The following MAPK10 variants were observed in gnomAD, a reference collection of about 807,000 sequenced individuals.
The protein encoded by MAPK10 is mitogen-activated protein kinase 10.
A neutral mutation model predicts 59.3 loss-of-function variants in MAPK10; 25 were observed. The ratio of observed to expected loss-of-function variants is 0.42; its 90% CI spans 0.31 to 0.59. The LOEUF is 0.59. MAPK10 is among the 20% of genes least tolerant of loss of function. The pLI is 0.15. For missense variants in MAPK10, 351 were observed against 568.9 expected (o/e 0.62, Z 3.90); for synonymous variants, 190 against 200.5 (o/e 0.95, Z 0.44).
intron 2 of MAPK10, among the ~76,000 whole-genome samples, chr4:86,305,790 G>A (rs1022335704): frequency 6.7e-6 from 1 of 148,314 alleles, no homozygotes; most frequent in African/African-American, 2.5e-5. Context: ...CTACACTACA[G>A]CCTGGGCGAC....
In MAPK10 at chr4:86,010,563, T is replaced by G. The variant is rs972083167; in HGVS notation, c.*6665A>C. On this transcript the variant is annotated 3_prime_UTR_variant, in exon 14 of 14. Transcript: ENST00000641462. Reference sequence around the variant, plus strand: ...ATTAAGCTAGAAATTCAGAGCAATATTCTCAGGGCTTGATTTACACCAAAT... The same window carrying G: ...ATTAAGCTAGAAATTCAGAGCAATAGTCTCAGGGCTTGATTTACACCAAAT... 8.5e-5 allele frequency: 13 copies of G among 152,196 alleles called. No homozygotes were observed. The highest frequency in any genetic ancestry group is 2.9e-4 in the African/African-American group (12 of 41,460). 9.4% of individuals were successfully genotyped at this position (152,196 alleles called of 1,614,324 possible). A position where few individuals can be genotyped will look rare whatever the true frequency, so the allele number is the denominator to read the frequency against.
intron 4 of MAPK10, among the ~76,000 whole-genome samples, chr4:86,143,279 T>C (rs2064053010): frequency 6.6e-6 from 1 of 152,154 alleles, no homozygotes. Flanking sequence ...GTGGGGATTA[T>C]GGGGATTATA....
At chr4:86,547,851 C>T (rs1043714227) in intron 1 of MAPK10, among the ~76,000 whole-genome samples, 4 of 152,114 alleles carry the variant, frequency 2.6e-5, no homozygotes, top group East Asian at 1.9e-4. Context: ...ATGCACCAAT[C>T]GACACTCTGT....
chr4:86,158,767 G>T (rs886629188), intron 4 of MAPK10, among the ~76,000 whole-genome samples: 2 of 151,834 alleles, frequency 1.3e-5, no homozygotes, highest in African/African-American at 2.4e-5. Flanking sequence ...TGTCATAAAA[G>T]AATTGTTACT....
intron 2 of MAPK10, among the ~76,000 whole-genome samples, chr4:86,300,050 A>C (rs571974944): frequency 6.6e-6 from 1 of 151,828 alleles, no homozygotes; most frequent in East Asian, 1.9e-4. Context: ...GCACCACCAC[A>C]CCTGGCTATT....
Position 86,547,236 on chromosome 4 carries a change from T to C in MAPK10, c.-263+46674A>G, listed in dbSNP as rs1042708840. On this transcript the variant is annotated intron_variant, in intron 1 of 4. Coordinates refer to the MAPK10 transcript ENST00000502302. Reference sequence around the variant, plus strand: ...ACTTTGGCGGCACCTGAGGAGCCCTTCAGCCCGCCCTGCACTGTGGGATCC... The same window carrying C: ...ACTTTGGCGGCACCTGAGGAGCCCTCCAGCCCGCCCTGCACTGTGGGATCC... Among the ~76,000 whole-genome samples the C allele has an allele frequency of 7.9e-5, 12 of 152,294 alleles. No homozygotes were observed. The South Asian group carries it at 2.5e-3, about 32-fold the overall frequency.
intron 1 of MAPK10, among the ~76,000 whole-genome samples, chr4:86,513,721 C>T (rs78424449): frequency 0.047 from 7,131 of 152,210 alleles, 225 homozygotes; most frequent in African/African-American, 0.059. Flanking sequence ...ATTTACTTTG[C>T]ATTTTCCCTT....
intron 1 of MAPK10, among the ~76,000 whole-genome samples, chr4:86,389,019 G>A (rs899135157): frequency 6.6e-6 from 1 of 152,172 alleles, no homozygotes; most frequent in African/African-American, 2.4e-5. Flanking sequence ...GTGTCCCCAC[G>A]CAAATCTCAT....
At chr4:86,347,310 C>T (rs1167379393) in intron 2 of MAPK10, among the ~76,000 whole-genome samples, 3 of 152,040 alleles carry the variant, frequency 2.0e-5, no homozygotes, top group Admixed American at 1.3e-4. Context: ...TACTGGTTAT[C>T]AAAACACAGA....
intron 2 of MAPK10, among the ~76,000 whole-genome samples, chr4:86,345,705 T>C (rs1727732374): frequency 6.6e-6 from 1 of 152,186 alleles, no homozygotes; most frequent in South Asian, 2.1e-4. Context: ...CTCTAGACCA[T>C]TCTTGATTCC....
chr4:86,576,917 AC>A, intron 1 of MAPK10, among the ~76,000 whole-genome samples: 3 of 152,350 alleles, frequency 2.0e-5, no homozygotes, highest in African/African-American at 7.2e-5. Flanking sequence ...AGAATGACAG[AC>A]TTTTCAGCTG....
rs116053658 is a variant in MAPK10 at position 86,064,323 on chromosome 4, G to T, written c.1053C>A (p.Asp351Glu). The change falls in exon 11 of 14, where the codon GAC becomes GAA. Residue 351 changes from aspartate (D) to glutamate (E), a missense_variant. Asp to Glu is a conservative substitution (Grantham distance 45). Coordinates refer to ENST00000641462, the MANE Select transcript of MAPK10 (RefSeq NM_138982.4). Reference protein sequence around the residue: ...VIDPAKRISVDDALQHPYINV... With the variant: ...VIDPAKRISVEDALQHPYINV... ...TGATGTAGGGATGCTGTAAGGCGTC[G>T]TCCACTGATATTCTTTTTGCTGGGT... The T allele has an allele frequency of 3.1e-6, 5 of 1,614,092 alleles. No individual in the cohort carries two copies. The South Asian group carries it at 5.5e-5, about 18-fold the overall frequency.
chr4:86,318,471 T>G (rs2095831200), intron 2 of MAPK10, among the ~76,000 whole-genome samples: 1 of 152,184 alleles, frequency 6.6e-6, no homozygotes, highest in Non-Finnish European at 1.5e-5. Context: ...TAGGCTCTCT[T>G]GCCCCATGCG....
chr4:86,432,798 G>T (rs1748216964), intron 1 of MAPK10, among the ~76,000 whole-genome samples: 1 of 152,194 alleles, frequency 6.6e-6, no homozygotes. Flanking sequence ...GATAGGCACA[G>T]TTACCATAAT....
At chr4:86,295,742 T>TTATATATATTTTATA (rs1215323299) in intron 2 of MAPK10, among the ~76,000 whole-genome samples, 78 of 143,846 alleles carry the variant, frequency 5.4e-4, no homozygotes, top group East Asian at 2.0e-4. Flanking sequence ...ATATATAAAT[T>TTATATATATTTTATA]TATATATATT....
At chr4:86,557,648 A>C (rs1760369642) in intron 1 of MAPK10, among the ~76,000 whole-genome samples, 1 of 152,094 alleles carries the variant, frequency 6.6e-6, no homozygotes, top group African/African-American at 2.4e-5. Context: ...GTATTTAATG[A>C]CACCAAAATA....
chr4:86,310,124 C>G (rs1344338512), intron 2 of MAPK10, among the ~76,000 whole-genome samples: 3 of 152,174 alleles, frequency 2.0e-5, no homozygotes, highest in Admixed American at 1.3e-4. Context: ...CTCCCTCCCC[C>G]TTTTCTAGAC....
At chr4:86,418,086 C>A (rs2149031450) in intron 1 of MAPK10, among the ~76,000 whole-genome samples, 1 of 152,072 alleles carries the variant, frequency 6.6e-6, no homozygotes, top group South Asian at 2.1e-4. Context: ...AAACCACTAA[C>A]TCCCTCTAGT....
chr4:86,398,253 G>GAA (rs1743238880), intron 1 of MAPK10, among the ~76,000 whole-genome samples: 2 of 151,152 alleles, frequency 1.3e-5, no homozygotes, highest in South Asian at 4.2e-4. Flanking sequence ...GAAAAGAAAA[G>GAA]AAAAAAGGCC....
Sources: allele counts gnomAD v4.1 joint callset (sites outside exome capture counted in the v4.1 genomes callset), GRCh38; gene constraint gnomAD v4.1.1; transcripts MANE v1.5; gene names NCBI Gene and HGNC (gene_info 2026-07-23, HGNC 2026-07-21).